Variants in PDZD2 observed in about 807,000 individuals in gnomAD.
PDZD2 encodes PDZ domain-containing protein 2.
In PDZD2, 90 loss-of-function variants were observed where a neutral mutation model predicts 220.7. The ratio of observed to expected loss-of-function variants is 0.41; its 90% confidence interval spans 0.34 to 0.49. The LOEUF is 0.49. PDZD2 is among the 20% of genes least tolerant of loss of function. PDZD2 has a pLI of 0.28. For missense variants in PDZD2, 3,174 were observed against 3,608.5 expected (o/e 0.88, Z 3.08); for synonymous variants, 1,375 against 1,450.5 (o/e 0.95, Z 1.18).
chr5:31,716,275 T>A (rs1201817113), intron 1 of PDZD2, among the ~76,000 whole-genome samples: 3 of 152,196 alleles, frequency 2.0e-5, no homozygotes, highest in Admixed American at 6.5e-5. Context: ...GTACCCGGGA[T>A]CTGTTTTAAT....
chr5:31,666,285 T>G (rs1463794563), intron 1 of PDZD2, among the ~76,000 whole-genome samples: 1 of 152,102 alleles, frequency 6.6e-6, no homozygotes, highest in Non-Finnish European at 1.5e-5. Context: ...GTCAGAACAA[T>G]CATGGAATGC....
intron 1 of PDZD2, among the ~76,000 whole-genome samples, chr5:31,751,459 AGGTGAG>A: frequency 6.6e-6 from 1 of 152,302 alleles, no homozygotes; most frequent in Non-Finnish European, 1.5e-5. Flanking sequence ...TGCATTTTGA[AGGTGAG>A]AGACTGGGTT....
intron 2 of PDZD2, among the ~76,000 whole-genome samples, chr5:31,976,749 C>T (rs1374458502): frequency 3.0e-5 from 4 of 131,926 alleles, no homozygotes; most frequent in African/African-American, 1.2e-4. Flanking sequence ...ACAGAGTCTC[C>T]CTCGGTTGCC....
At chr5:31,987,104 A>G (rs545596753) in intron 3 of PDZD2, among the ~76,000 whole-genome samples, 2 of 152,180 alleles carry the variant, frequency 1.3e-5, no homozygotes, top group Non-Finnish European at 2.9e-5. Flanking sequence ...TTATCTTCTT[A>G]GCAAAGATCT....
intron 1 of PDZD2, among the ~76,000 whole-genome samples, chr5:31,779,263 C>T (rs1752912506): frequency 6.6e-6 from 1 of 152,150 alleles, no homozygotes; most frequent in Non-Finnish European, 1.5e-5. Flanking sequence ...TTCAGGATTC[C>T]ACAGGACTGG....
intron 7 of PDZD2, among the ~76,000 whole-genome samples, chr5:32,040,767 T>C (rs1190467561): frequency 1.9e-3 from 142 of 75,060 alleles, no homozygotes; most frequent in Middle Eastern, 0.013. Context: ...AAGTGAGGAG[T>C]GCCTCTGCCC....
intron 2 of PDZD2, among the ~76,000 whole-genome samples, chr5:31,807,175 A>T (rs1229157966): frequency 6.6e-6 from 1 of 152,106 alleles, no homozygotes; most frequent in African/African-American, 2.4e-5. Context: ...ACCTCAGGTG[A>T]TCCACCCATC....
At chr5:31,888,137 C>CTTTTAT (rs2150344633) in intron 2 of PDZD2, among the ~76,000 whole-genome samples, 1 of 151,982 alleles carries the variant, frequency 6.6e-6, no homozygotes, top group African/African-American at 2.4e-5. Context: ...GTTTTGTTTC[C>CTTTTAT]TTTTCTTTTT....
At position 32,014,706 on chromosome 5, in the gene PDZD2, C is replaced by CTTTTTTT. The variant is rs556276502; in HGVS notation, c.1407+4246_1407+4252dup. 1.3e-3 allele frequency among the ~76,000 whole-genome samples: 122 copies of CTTTTTTT among 95,410 alleles called. 24 individuals are homozygous for CTTTTTTT. The highest frequency in any genetic ancestry group is 5.2e-3 in the African/African-American group (119 of 22,886). 62.6% of individuals were successfully genotyped at this position (95,410 alleles called of 152,430 possible). The stretch of plus-strand genomic sequence containing the variant: ...ATTTTCTGCTCTGCAATGACAATTT[C>CTTTTTTT]TTTTTTTTTTTTTTTTTTTTTTTTT... On this transcript the variant is annotated intron_variant, in intron 6 of 24. Transcript: ENST00000438447.
chr5:31,652,824 A>G (rs639701), intron 1 of PDZD2, among the ~76,000 whole-genome samples: 143,580 of 152,136 alleles, frequency 0.94, 67,906 homozygotes, highest in East Asian at 1. Flanking sequence ...CAGCCTGGCC[A>G]ACATGGTGAA....
chr5:31,652,045 C>T (rs969180151), intron 1 of PDZD2, among the ~76,000 whole-genome samples: 5 of 145,206 alleles, frequency 3.4e-5, no homozygotes, highest in East Asian at 2.0e-4. Flanking sequence ...GTTGGCCAGG[C>T]TGGTCTCGAA....
At chr5:31,874,021 C>G (rs939196465) in intron 2 of PDZD2, among the ~76,000 whole-genome samples, 2 of 152,166 alleles carry the variant, frequency 1.3e-5, no homozygotes, top group African/African-American at 4.8e-5. Flanking sequence ...AGCCACTGTG[C>G]CTGGGTGCAG....
At chr5:31,957,649 C>G (rs376766903) in intron 2 of PDZD2, among the ~76,000 whole-genome samples, 8 of 152,072 alleles carry the variant, frequency 5.3e-5, no homozygotes, top group Admixed American at 5.2e-4. Context: ...AGTGGTTTCT[C>G]CAGCTTGGTA....
At chr5:31,737,174 T>G (rs1395851242) in intron 1 of PDZD2, among the ~76,000 whole-genome samples, 1 of 134,906 alleles carries the variant, frequency 7.4e-6, no homozygotes, top group Non-Finnish European at 1.6e-5. Flanking sequence ...CTTCTTTTTT[T>G]TTTTTTTTTT....
chr5:32,059,010 G>A (rs541088345), intron 12 of PDZD2, among the ~76,000 whole-genome samples: 2 of 152,322 alleles, frequency 1.3e-5, no homozygotes, highest in African/African-American at 4.8e-5. Context: ...AGAGTTGACC[G>A]TCGGATAATT....
intron 2 of PDZD2, among the ~76,000 whole-genome samples, chr5:31,897,489 C>G (rs559792107): frequency 1.3e-5 from 2 of 152,088 alleles, no homozygotes; most frequent in Non-Finnish European, 2.9e-5. Flanking sequence ...GATGTGTGTT[C>G]GGAAGAATCA....
intron 2 of PDZD2, chr5:31,840,542 C>T (rs2150283424): frequency 1.5e-6 from 1 of 656,480 alleles, no homozygotes; most frequent in Non-Finnish European, 2.8e-6. Context: ...GGCTCCTTCC[C>T]ACTGGTTCTC....
chr5:31,680,930 C>G (rs992802564), intron 1 of PDZD2, among the ~76,000 whole-genome samples: 1 of 152,108 alleles, frequency 6.6e-6, no homozygotes, highest in African/African-American at 2.4e-5. Flanking sequence ...CGGCCTTGCC[C>G]CTCGGACAAT....
chr5:32,039,569 C>T (rs1256739528), intron 7 of PDZD2, among the ~76,000 whole-genome samples: 2 of 151,878 alleles, frequency 1.3e-5, no homozygotes, highest in East Asian at 1.9e-4. Context: ...GGCCACCCAT[C>T]GTCTGGGATG....
Sources: allele counts gnomAD v4.1 joint callset (sites outside exome capture counted in the v4.1 genomes callset), GRCh38; gene constraint gnomAD v4.1.1; transcripts MANE v1.5; gene names NCBI Gene and HGNC (gene_info 2026-07-23, HGNC 2026-07-21).